The following USP7 variants were observed in gnomAD, a reference collection of about 807,000 sequenced individuals.
The protein encoded by USP7 is ubiquitin specific peptidase 7, also known as ubiquitin C-terminal hydrolase 7.
USP7 carries 9 observed loss-of-function variants against 162.9 expected under a neutral mutation model. The ratio of observed to expected loss-of-function variants is 0.06; its 90% confidence interval spans 0.03 to 0.10. The LOEUF is 0.10. Ranked by LOEUF, USP7 falls within the 10% of genes least tolerant of loss-of-function variation. The pLI, the probability that USP7 is intolerant of heterozygous loss-of-function variation, is 1.00. For missense variants in USP7, 715 were observed against 1,373.7 expected (o/e 0.52, Z 7.58); for synonymous variants, 562 against 475.9 (o/e 1.18, Z -2.35).
chr16:8,928,547 T>C (rs1247547557), intron 2 of USP7, among the ~76,000 whole-genome samples: 1 of 152,216 alleles, frequency 6.6e-6, no homozygotes, highest in Non-Finnish European at 1.5e-5. Context: ...GATTGCGCAA[T>C]TTGTACTGCA....
intron 6 of USP7, 59 bp from the exon 7 acceptor site, chr16:8,917,215 A>G (rs535839968): frequency 6.5e-7 from 1 of 1,534,222 alleles, no homozygotes; most frequent in African/African-American, 1.4e-5. Context: ...AATTTAAAAA[A>G]CAGTAAGAAT....
intron 10 of USP7, among the ~76,000 whole-genome samples, chr16:8,911,490 C>T (rs1029997164): frequency 2.0e-5 from 3 of 152,338 alleles, no homozygotes. Context: ...ATGGAGAGCT[C>T]GTCCTGCTCC....
At chr16:8,962,695 G>A (rs575711199) in intron 1 of USP7, 43 of 197,628 alleles carry the variant, frequency 2.2e-4, no homozygotes, top group Non-Finnish European at 3.8e-4. Flanking sequence ...ATTTTCGAAC[G>A]TAAGCCCGAC....
At chr16:8,927,539 G>T (rs1046596936) in intron 2 of USP7, among the ~76,000 whole-genome samples, 2 of 152,082 alleles carry the variant, frequency 1.3e-5, no homozygotes, top group African/African-American at 4.8e-5. Flanking sequence ...ATCTTCAGAG[G>T]CCGTATTTGC....
rs543861049 is a variant in USP7 at position 8,894,533 on chromosome 16, G to GT, written c.3202+16_3202+17insA. The GT allele has an allele frequency of 1.3e-3, 2,113 of 1,608,852 alleles. 6 individuals carry two copies. Among genetic ancestry groups the GT allele is most frequent in the Non-Finnish European group, 1.6e-3 (1,875 of 1,178,538 alleles). On this transcript the variant is annotated intron_variant, in intron 30 of 30. Coordinates refer to ENST00000344836, the MANE Select transcript of USP7 (RefSeq NM_003470.3). Reference sequence around the variant, plus strand: ...TCTGAAACCCACACCAGCCCCCGGGGGGGGGAGAACCCTTACCGGGCTGTG... The same window carrying GT: ...TCTGAAACCCACACCAGCCCCCGGGGTGGGGGAGAACCCTTACCGGGCTGTG...
At chr16:8,896,340 C>G (rs755267621) in intron 26 of USP7, among the ~76,000 whole-genome samples, 4 of 152,130 alleles carry the variant, frequency 2.6e-5, no homozygotes, top group Non-Finnish European at 5.9e-5. Context: ...AATTCACATT[C>G]AGCTGATAGT....
chr16:8,924,696 G>A (rs532529171), intron 2 of USP7, among the ~76,000 whole-genome samples: 5 of 152,364 alleles, frequency 3.3e-5, no homozygotes, highest in Admixed American at 6.5e-5. Context: ...ACTTCTCAGG[G>A]AAGAGAATTT....
intron 1 of USP7, among the ~76,000 whole-genome samples, chr16:8,953,451 G>A (rs549763293): frequency 1.3e-5 from 2 of 152,300 alleles, no homozygotes; most frequent in South Asian, 4.1e-4. Flanking sequence ...TCTGAGGTAC[G>A]ATCCAAGGGG....
intron 1 of USP7, among the ~76,000 whole-genome samples, chr16:8,932,421 C>G (rs1471582703): frequency 6.6e-6 from 1 of 152,064 alleles, no homozygotes; most frequent in African/African-American, 2.4e-5. Context: ...ATTTTTAAAG[C>G]TTATTTCTGA....
chr16:8,894,150 G>A, intron 30 of USP7, 46 bp from the exon 31 acceptor site: 1 of 1,564,424 alleles, frequency 6.4e-7, no homozygotes, highest in Non-Finnish European at 8.8e-7. Context: ...AGCAGCCCTG[G>A]AACCCCTCAG....
intron 12 of USP7, among the ~76,000 whole-genome samples, chr16:8,907,436 C>G (rs2061878308): frequency 6.6e-6 from 1 of 152,210 alleles, no homozygotes; most frequent in Admixed American, 6.5e-5. Context: ...AACCTGAAGG[C>G]TGAATGACCA....
chr16:8,916,441 C>A, intron 8 of USP7, 61 bp downstream of exon 8: 1 of 1,552,204 alleles, frequency 6.4e-7, no homozygotes, highest in Admixed American at 1.9e-5. Context: ...TTGGTAATAA[C>A]TTCTGACCAT....
At chr16:8,897,767 C>T (rs1279517887) in intron 25 of USP7, among the ~76,000 whole-genome samples, 3 of 123,160 alleles carry the variant, frequency 2.4e-5, no homozygotes, top group African/African-American at 9.5e-5. Flanking sequence ...GGCGTGGTGA[C>T]ATACACCTGT....
chr16:8,935,126 G>A lies in USP7; in HGVS notation c.80-4729C>T, dbSNP rs181925110. ...CCATGTAAGAGTGATGTAATACCAA[G>A]TTTTATATGCCACCTTTTCGGAAGT... is the stretch of plus-strand genomic sequence containing the variant. On this transcript the variant is annotated intron_variant, in intron 1 of 30. Coordinates refer to ENST00000344836, the MANE Select transcript of USP7 (RefSeq NM_003470.3). Among the ~76,000 whole-genome samples the A allele has an allele frequency of 2.6e-5, 4 of 151,842 alleles. No individual in the cohort carries two copies. The East Asian group carries it at 5.8e-4, about 22-fold the overall frequency.
At chr16:8,897,726 A>ATT (rs61280114) in intron 25 of USP7, among the ~76,000 whole-genome samples, 1 of 7,138 alleles carries the variant, frequency 1.4e-4, no homozygotes, top group Non-Finnish European at 2.3e-4. Context: ...AAAAAAAAAA[A>ATT]ATATATATAT....
intron 1 of USP7, among the ~76,000 whole-genome samples, chr16:8,954,380 C>T (rs1026081710): frequency 6.6e-5 from 10 of 152,188 alleles, no homozygotes; most frequent in African/African-American, 2.2e-4. Flanking sequence ...TCAGTGGGCT[C>T]GCTCATCTCT....
intron 5 of USP7, 130 bp downstream of exon 5, chr16:8,920,229 T>C (rs1235536627): frequency 1.3e-6 from 1 of 748,864 alleles, no homozygotes; most frequent in Non-Finnish European, 2.2e-6. Flanking sequence ...TGACTCTGTG[T>C]GCCACAGGGC....
intron 8 of USP7, 151 bp from the exon 9 acceptor site, chr16:8,915,676 ATCT>A (rs932516999): frequency 2.6e-5 from 19 of 726,532 alleles, no homozygotes; most frequent in South Asian, 1.7e-4. Flanking sequence ...AACATACAAA[ATCT>A]TCTTTCTTGG....
intron 21 of USP7, 188 bp from the exon 22 acceptor site, chr16:8,899,945 G>A: frequency 1.5e-6 from 1 of 682,824 alleles, no homozygotes; most frequent in Non-Finnish European, 2.5e-6. Context: ...TATGCATGGG[G>A]ATGCACTGAG....
Sources: gnomAD v4.1 joint callset for allele counts (sites outside exome capture counted in the v4.1 genomes callset) on GRCh38, gnomAD v4.1.1 for gene constraint, MANE v1.5 for transcripts, NCBI Gene and HGNC (gene_info 2026-07-23, HGNC 2026-07-21) for gene names.